ALK: variants seen among roughly 807,000 people sequenced by gnomAD.
The protein encoded by ALK is ALK receptor tyrosine kinase, also known as ALK tyrosine kinase receptor.
ALK carries 74 observed loss-of-function variants against 163.1 expected under a neutral mutation model. That is an observed-to-expected ratio of 0.45 (90% CI 0.38 to 0.55). The LOEUF (loss-of-function observed/expected upper bound fraction) is 0.55, where lower values mean the gene tolerates loss of function less well. ALK is among the 20% of genes least tolerant of loss of function. The probability of loss-of-function intolerance (pLI) is 0.00; values close to 1 mark genes in which losing one functional copy is unlikely to be tolerated. For synonymous variants in ALK, 960 were observed against 843.2 expected (o/e 1.14, Z -2.40); for missense variants, 2,063 against 2,105.3 (o/e 0.98, Z 0.39).
chr2:29,573,253 T>C (rs949196870), intron 3 of ALK, among the ~76,000 whole-genome samples: 3 of 152,208 alleles, frequency 2.0e-5, no homozygotes, highest in African/African-American at 7.2e-5. Context: ...TGTTGCTTGA[T>C]GCAATTTCAT....
At chr2:29,284,941 C>T (rs1373466457) in intron 9 of ALK, among the ~76,000 whole-genome samples, 3 of 152,172 alleles carry the variant, frequency 2.0e-5, no homozygotes, top group Non-Finnish European at 2.9e-5. Context: ...AACAGGCTGT[C>T]GATGGACAGT....
chr2:29,343,830 C>G (rs568752151), intron 5 of ALK, among the ~76,000 whole-genome samples: 1 of 152,324 alleles, frequency 6.6e-6, no homozygotes, highest in African/African-American at 2.4e-5. Flanking sequence ...CTGCTTCAGA[C>G]TGGCAGGTCC....
At position 29,193,636 on chromosome 2, in the gene ALK, T is replaced by C. The variant is rs752320442; in HGVS notation, c.4451A>G (p.Asn1484Ser). The C allele has an allele frequency of 1.1e-5, 17 of 1,614,194 alleles. No homozygotes were observed. The highest frequency in any genetic ancestry group is 2.2e-5 in the South Asian group (2 of 91,078). Residue 1484 changes from asparagine to serine, a missense_variant, in exon 29 of 29, where the codon AAC becomes AGC. Physicochemically the swap from Asn to Ser is conservative, Grantham distance 46. This residue lies in a region of ALK where 403 missense variants were observed against 366.2 expected (regional missense o/e 1.10). Transcript: ENST00000389048. ...GHVNMAFSQS[N>S]PPSELHKVHG... ...GACCTTGTGCAACTCCGAAGGAGGG[T>C]TGGACTGAGAGAATGCCATATTCAC...
intron 4 of ALK, among the ~76,000 whole-genome samples, chr2:29,440,043 C>T (rs1309594789): frequency 2.0e-5 from 3 of 152,044 alleles, no homozygotes; most frequent in African/African-American, 7.2e-5. Flanking sequence ...ACCAGCCTGG[C>T]CAACATGGTG....
chr2:29,855,877 C>A (rs1666125603), intron 1 of ALK, among the ~76,000 whole-genome samples: 1 of 152,174 alleles, frequency 6.6e-6, no homozygotes, highest in Non-Finnish European at 1.5e-5. Context: ...TCTATAGAAT[C>A]ATCAAATTTT....
At chr2:29,859,349 G>C (rs1426298791) in intron 1 of ALK, among the ~76,000 whole-genome samples, 2 of 152,232 alleles carry the variant, frequency 1.3e-5, no homozygotes, top group Non-Finnish European at 2.9e-5. Flanking sequence ...AGCTGAAGCT[G>C]TCCTCCGCTC....
intron 3 of ALK, among the ~76,000 whole-genome samples, chr2:29,556,988 G>C (rs762709780): frequency 6.6e-6 from 1 of 152,028 alleles, no homozygotes; most frequent in Non-Finnish European, 1.5e-5. Flanking sequence ...AAATACTTTA[G>C]CTTCATTATC....
At chr2:29,358,538 G>A (rs1283089769) in intron 5 of ALK, among the ~76,000 whole-genome samples, 1 of 152,234 alleles carries the variant, frequency 6.6e-6, no homozygotes, top group Non-Finnish European at 1.5e-5. Flanking sequence ...CCCCCAGGAA[G>A]CAGACTGATT....
chr2:29,208,853 G>A (rs1669384496), intron 25 of ALK, among the ~76,000 whole-genome samples: 1 of 152,002 alleles, frequency 6.6e-6, no homozygotes, highest in Non-Finnish European at 1.5e-5. Context: ...AAAGGAACTA[G>A]AGGCTAGGAA....
chr2:29,597,069 C>T (rs532239058), intron 3 of ALK, among the ~76,000 whole-genome samples: 1 of 152,268 alleles, frequency 6.6e-6, no homozygotes, highest in Admixed American at 6.5e-5. Context: ...CACTTTGAAA[C>T]AGACACAAAA....
chr2:29,401,226 C>G (rs990262351), intron 4 of ALK, among the ~76,000 whole-genome samples: 1 of 152,112 alleles, frequency 6.6e-6, no homozygotes, highest in African/African-American at 2.4e-5. Context: ...CTGACGTGGC[C>G]GCTGTTTGCA....
chr2:29,270,408 G>A (rs1042705187), intron 11 of ALK, among the ~76,000 whole-genome samples: 2 of 152,196 alleles, frequency 1.3e-5, no homozygotes, highest in Admixed American at 6.5e-5. Context: ...TTGGTGAATC[G>A]CAGTTAGGAT....
chr2:29,803,857 G>T (rs764503777), intron 1 of ALK, among the ~76,000 whole-genome samples: 6 of 152,158 alleles, frequency 3.9e-5, no homozygotes, highest in Non-Finnish European at 8.8e-5. Flanking sequence ...TTCCTTACAT[G>T]TGTATATGGG....
intron 1 of ALK, among the ~76,000 whole-genome samples, chr2:29,805,522 T>C (rs1439793854): frequency 6.6e-6 from 1 of 152,154 alleles, no homozygotes; most frequent in East Asian, 1.9e-4. Context: ...GGCCCCAGTG[T>C]GTGTGGTTCC....
intron 3 of ALK, among the ~76,000 whole-genome samples, chr2:29,570,263 C>T (rs4233745): frequency 0.6 from 90,881 of 152,090 alleles, 27,783 homozygotes; most frequent in South Asian, 0.76. Context: ...GAAATAGGAG[C>T]GATCAATGCT....
At chr2:29,829,827 T>G (rs1210565960) in intron 1 of ALK, among the ~76,000 whole-genome samples, 1 of 152,242 alleles carries the variant, frequency 6.6e-6, no homozygotes, top group Non-Finnish European at 1.5e-5. Context: ...TGCATGGCCC[T>G]AACCTGTGAA....
intron 25 of ALK, among the ~76,000 whole-genome samples, chr2:29,208,545 C>T (rs1230940668): frequency 2.0e-5 from 3 of 152,116 alleles, no homozygotes; most frequent in Non-Finnish European, 4.4e-5. Flanking sequence ...GAGAGGAGTG[C>T]GACGGATAGC....
At chr2:29,827,478 A>T (rs76002958) in intron 1 of ALK, among the ~76,000 whole-genome samples, 1 of 152,164 alleles carries the variant, frequency 6.6e-6, no homozygotes. Context: ...CAGATTTTAC[A>T]TATTAGAGAT....
At chr2:29,466,254 T>C (rs1018796221) in intron 4 of ALK, among the ~76,000 whole-genome samples, 2 of 152,088 alleles carry the variant, frequency 1.3e-5, no homozygotes, top group African/African-American at 4.8e-5. Context: ...GAAAAGAATC[T>C]CCCAAGCCTC....
Sources: allele counts gnomAD v4.1 joint callset (sites outside exome capture counted in the v4.1 genomes callset), GRCh38; gene constraint gnomAD v4.1.1; regional missense constraint gnomAD v4.1.1; transcripts MANE v1.5; gene names NCBI Gene and HGNC (gene_info 2026-07-23, HGNC 2026-07-21).